The following ZBTB16 variants were observed in gnomAD, a reference collection of about 807,000 sequenced individuals.
ZBTB16 encodes the protein zinc finger and BTB domain containing 16, also known as zinc finger and BTB domain-containing protein 16.
Under a neutral mutation model 56.8 loss-of-function variants are expected in ZBTB16, and 8 were observed. That is an observed-to-expected ratio of 0.14 (90% CI 0.08 to 0.25). ZBTB16 has a LOEUF of 0.25. ZBTB16 is among the 10% of genes least tolerant of loss of function. The pLI, the probability that ZBTB16 is intolerant of heterozygous loss-of-function variation, is 1.00. For missense variants in ZBTB16, 625 were observed against 903.0 expected (o/e 0.69, Z 3.95); for synonymous variants, 363 against 368.5 (o/e 0.98, Z 0.17).
chr11:114,087,561 A>G (rs1940005573), intron 2 of ZBTB16, among the ~76,000 whole-genome samples: 1 of 151,554 alleles, frequency 6.6e-6, no homozygotes, highest in Admixed American at 6.6e-5. Flanking sequence ...TTCCATATCC[A>G]CCATTTGCCT....
intron 2 of ZBTB16, among the ~76,000 whole-genome samples, chr11:114,123,121 A>G (rs1941390491): frequency 6.6e-6 from 1 of 152,204 alleles, no homozygotes; most frequent in South Asian, 2.1e-4. Flanking sequence ...GTCAGATCAG[A>G]GACCCACCCT....
intron 2 of ZBTB16, among the ~76,000 whole-genome samples, chr11:114,123,591 C>T (rs1419887198): frequency 6.6e-6 from 1 of 152,078 alleles, no homozygotes; most frequent in South Asian, 2.1e-4. Context: ...TGAGGGTGGC[C>T]TTGGGTTCCT....
intron 2 of ZBTB16, among the ~76,000 whole-genome samples, chr11:114,140,723 G>T (rs1181556787): frequency 6.6e-6 from 1 of 152,212 alleles, no homozygotes; most frequent in East Asian, 1.9e-4. Flanking sequence ...GTGCTCGGGA[G>T]TAGATGGAGA....
chr11:114,097,101 GA>G (rs1940444555), intron 2 of ZBTB16, among the ~76,000 whole-genome samples: 1 of 152,184 alleles, frequency 6.6e-6, no homozygotes, highest in Admixed American at 6.5e-5. Flanking sequence ...ACATATAGTG[GA>G]ATATTATTCA....
chr11:114,059,964 G>A lies in ZBTB16; in HGVS notation c.-91+82G>A. 2.5e-6 allele frequency: 1 copy of A among 394,696 alleles called. No individual in the cohort carries two copies. Among genetic ancestry groups the A allele is most frequent in the Non-Finnish European group, 4.5e-6 (1 of 223,936 alleles). The allele number at this position is 394,696 out of a possible 1,614,324, so 24.4% of individuals were successfully genotyped here. On this transcript the variant is annotated intron_variant, in intron 1 of 6. Transcript: ENST00000335953. This position sits in a 1 kb window ranked among gnomAD's most constrained non-coding sequence, Gnocchi z 5.3. ...TCCCGGGGCTGGAGAGGTCTGGGGG[G>A]CGCGCGCTCGCTTCGGCCACTCGGC...
At chr11:114,224,318 A>G (rs901473357) in intron 4 of ZBTB16, among the ~76,000 whole-genome samples, 1 of 152,256 alleles carries the variant, frequency 6.6e-6, no homozygotes, top group Non-Finnish European at 1.5e-5. Flanking sequence ...GAGGTGAGAG[A>G]GGAATCTAGG....
chr11:114,184,530 C>A (rs569075854), intron 3 of ZBTB16, among the ~76,000 whole-genome samples: 4 of 152,104 alleles, frequency 2.6e-5, no homozygotes, highest in Admixed American at 6.6e-5. Flanking sequence ...CCAGGGAGGC[C>A]GAAGGGTACG....
intron 2 of ZBTB16, among the ~76,000 whole-genome samples, chr11:114,097,113 G>C (rs183219680): frequency 2.7e-4 from 41 of 152,334 alleles, no homozygotes; most frequent in African/African-American, 9.1e-4. Context: ...ATATTATTCA[G>C]CCTTAACAAG....
intron 2 of ZBTB16, among the ~76,000 whole-genome samples, chr11:114,088,110 C>T (rs1591652872): frequency 6.6e-6 from 1 of 150,618 alleles, no homozygotes; most frequent in Non-Finnish European, 1.5e-5. Context: ...GCTCCCACAC[C>T]AGAAGAGGTA....
chr11:114,059,963 G>A lies in ZBTB16; in HGVS notation c.-91+81G>A, dbSNP rs922862609. On this transcript the variant is annotated intron_variant, in intron 1 of 6. Transcript: ENST00000335953. The surrounding 1 kb of genome is among the most constrained non-coding windows in gnomAD (Gnocchi z 5.3). ...TTCCCGGGGCTGGAGAGGTCTGGGG[G>A]GCGCGCGCTCGCTTCGGCCACTCGG... is the stretch of plus-strand genomic sequence containing the variant. The A allele has an allele frequency of 7.6e-6, 3 of 393,924 alleles. No individual in the cohort carries two copies. Among genetic ancestry groups the A allele is most frequent in the African/African-American group, 4.1e-5 (2 of 48,408 alleles). 24.4% of individuals were successfully genotyped at this position (393,924 alleles called of 1,614,324 possible).
At chr11:114,138,134 G>A (rs1331951152) in intron 2 of ZBTB16, among the ~76,000 whole-genome samples, 1 of 152,192 alleles carries the variant, frequency 6.6e-6, no homozygotes, top group African/African-American at 2.4e-5. Context: ...GGGAGGGCAG[G>A]AGGACCAGTC....
intron 2 of ZBTB16, among the ~76,000 whole-genome samples, chr11:114,085,486 A>G (rs965343052): frequency 2.7e-5 from 4 of 147,290 alleles, no homozygotes; most frequent in African/African-American, 9.8e-5. Context: ...AATGACAGCC[A>G]TATGTGTATG....
chr11:114,180,165 G>GGT (rs1274204832), intron 3 of ZBTB16, among the ~76,000 whole-genome samples: 2 of 152,174 alleles, frequency 1.3e-5, no homozygotes, highest in African/African-American at 4.8e-5. Flanking sequence ...ACCTTCTGGA[G>GGT]GTGTCGGGAA....
chr11:114,167,895 G>A (rs1942834624), intron 3 of ZBTB16, among the ~76,000 whole-genome samples: 1 of 152,176 alleles, frequency 6.6e-6, no homozygotes, highest in Non-Finnish European at 1.5e-5. Flanking sequence ...TAGGCCTGGT[G>A]CCCGACCGGC....
intron 2 of ZBTB16, among the ~76,000 whole-genome samples, chr11:114,086,367 G>T (rs571236069): frequency 6.6e-6 from 1 of 151,968 alleles, no homozygotes; most frequent in African/African-American, 2.4e-5. Context: ...CCTCAAGTCA[G>T]GCTTCTCTGG....
chr11:114,249,206 C>A (rs1231216451), intron 6 of ZBTB16, among the ~76,000 whole-genome samples: 1 of 149,430 alleles, frequency 6.7e-6, no homozygotes, highest in Non-Finnish European at 1.5e-5. Flanking sequence ...TGCCTATAAT[C>A]CCAGGACTTT....
chr11:114,209,965 A>G (rs1179992913), intron 4 of ZBTB16: 3 of 985,056 alleles, frequency 3.0e-6, no homozygotes, highest in African/African-American at 1.7e-5. Context: ...TGGTGCTGCT[A>G]CTTATTAGGA....
chr11:114,111,865 G>A (rs1419091032), intron 2 of ZBTB16, among the ~76,000 whole-genome samples: 1 of 152,096 alleles, frequency 6.6e-6, no homozygotes, highest in Admixed American at 6.5e-5. Context: ...TATCTTGAAT[G>A]TTTTTGTTGG....
At chr11:114,196,096 C>T (rs181438413) in intron 4 of ZBTB16, among the ~76,000 whole-genome samples, 5 of 152,340 alleles carry the variant, frequency 3.3e-5, no homozygotes, top group Admixed American at 2.6e-4. Context: ...CCCAAAGCTT[C>T]CCAAAGGAAC....
Sources: allele counts gnomAD v4.1 joint callset (sites outside exome capture counted in the v4.1 genomes callset), GRCh38; gene constraint gnomAD v4.1.1; non-coding constraint Gnocchi (gnomAD v3.1); transcripts MANE v1.5; gene names NCBI Gene and HGNC (gene_info 2026-07-23, HGNC 2026-07-21).